ESRRG: variants seen among roughly 807,000 people sequenced by gnomAD.
ESRRG encodes estrogen-related receptor gamma.
In ESRRG, 13 loss-of-function variants were observed where a neutral mutation model predicts 44.0. The ratio of observed to expected loss-of-function variants is 0.30; its 90% CI spans 0.19 to 0.47. The LOEUF (loss-of-function observed/expected upper bound fraction) is 0.47, where lower values mean the gene tolerates loss of function less well. Among genes scored for constraint, ESRRG ranks in the 20% least tolerant of loss-of-function variants. The probability of loss-of-function intolerance (pLI) is 1.00; values close to 1 mark genes in which losing one functional copy is unlikely to be tolerated. For synonymous variants in ESRRG, 215 were observed against 214.6 expected, an observed-to-expected ratio of 1.00 and a Z score of -0.02; for missense variants, 395 against 580.6, an observed-to-expected ratio of 0.68 and a Z score of 3.29.
intron 1 of ESRRG, among the ~76,000 whole-genome samples, chr1:216,948,161 C>T (rs144496678): frequency 1.5e-4 from 23 of 152,238 alleles, no homozygotes; most frequent in African/African-American, 4.6e-4. Flanking sequence ...ACCACCACTG[C>T]TGTAACTAAA....
At chr1:216,936,863 C>T (rs992528546) in intron 2 of ESRRG, among the ~76,000 whole-genome samples, 5 of 152,190 alleles carry the variant, frequency 3.3e-5, no homozygotes, top group South Asian at 2.1e-4. Flanking sequence ...TGCCACCTTG[C>T]ACCCTTTCTG....
chr1:216,590,839 G>GT (rs2057531833), intron 3 of ESRRG, among the ~76,000 whole-genome samples: 2 of 152,160 alleles, frequency 1.3e-5, no homozygotes, highest in African/African-American at 4.8e-5. Context: ...GGATGATAAC[G>GT]TAAGTTCCTT....
chr1:216,792,757 ACT>A (rs2094357361), intron 2 of ESRRG, among the ~76,000 whole-genome samples: 2 of 152,234 alleles, frequency 1.3e-5, no homozygotes, highest in South Asian at 4.1e-4. Flanking sequence ...TTTACAACAA[ACT>A]CTGCATGAAA....
intron 1 of ESRRG, among the ~76,000 whole-genome samples, chr1:216,942,898 G>A (rs557905621): frequency 6.6e-6 from 1 of 152,210 alleles, no homozygotes; most frequent in Admixed American, 6.5e-5. Flanking sequence ...CTGTGGAGAA[G>A]CTCTTTAGTT....
intron 1 of ESRRG, among the ~76,000 whole-genome samples, chr1:217,055,631 A>C (rs1439873820): frequency 2.0e-5 from 3 of 152,110 alleles, no homozygotes; most frequent in African/African-American, 4.8e-5. Context: ...ATAGACAAAG[A>C]ATGAATCTCC....
chr1:217,020,436 T>C (rs1253163357), intron 1 of ESRRG, among the ~76,000 whole-genome samples: 1 of 152,192 alleles, frequency 6.6e-6, no homozygotes, highest in Non-Finnish European at 1.5e-5. Context: ...ACTTGAAAGG[T>C]AACTTATGCA....
chr1:216,758,666 C>T lies in ESRRG; in HGVS notation c.-13-81175G>A, dbSNP rs570825130. On this transcript the variant is annotated intron_variant, in intron 2 of 7. Transcript: ENST00000359162. ...AAAGTCAAATTCTTTTTCAGGTTGG[C>T]GCCTACAAGCCAGCCTAATCAGTGA... Among the ~76,000 whole-genome samples the T allele has an allele frequency of 4.0e-5, 6 of 151,868 alleles. No homozygotes were observed. The East Asian group carries it at 7.8e-4, about 20-fold the overall frequency.
intron 2 of ESRRG, among the ~76,000 whole-genome samples, chr1:216,828,561 A>C (rs2095435549): frequency 6.6e-6 from 1 of 152,148 alleles, no homozygotes; most frequent in African/African-American, 2.4e-5. Flanking sequence ...ACCAGAATAC[A>C]CACCTTCGCC....
chr1:216,704,889 C>T (rs2151909821), intron 1 of ESRRG, among the ~76,000 whole-genome samples: 1 of 152,208 alleles, frequency 6.6e-6, no homozygotes, highest in Admixed American at 6.5e-5. Context: ...GCTACCAATT[C>T]CATTCACAGT....
chr1:216,609,500 C>G, intron 3 of ESRRG, among the ~76,000 whole-genome samples: 1 of 152,062 alleles, frequency 6.6e-6, no homozygotes, highest in East Asian at 1.9e-4. Context: ...GAGTATAGTC[C>G]CTGGTACTCC....
In ESRRG at chr1:216,707,535, A is replaced by G. The variant is rs2082698187; in HGVS notation, c.56+15709T>C. On this transcript the variant is annotated intron_variant, in intron 1 of 6. Transcript: ENST00000408911. ...TAGGGTGAAAGTTGCAATTTGCTGAAGTTTTATGTAAAACTACAGCTACTT... is the reference window on the plus strand; with the variant it reads ...TAGGGTGAAAGTTGCAATTTGCTGAGGTTTTATGTAAAACTACAGCTACTT... 2.7e-6 allele frequency: 4 copies of G among 1,498,042 alleles called. No homozygotes were observed. In the East Asian group the frequency reaches 1.0e-4, roughly 38 times the overall value. The allele number at this position is 1,498,042 out of a possible 1,614,324, so 92.8% of individuals were successfully genotyped here.
rs76675414 is a variant in ESRRG at position 216,814,762 on chromosome 1, C to T, written c.-14+124820G>A. On this transcript the variant is annotated intron_variant, in intron 2 of 7. Coordinates refer to the ESRRG transcript ENST00000359162. ...CAAGGCTCAGAGCCCGTTTAAATGTCGGTGGATAGTTTCAGAAACATACTA... is the reference window on the plus strand; with the variant it reads ...CAAGGCTCAGAGCCCGTTTAAATGTTGGTGGATAGTTTCAGAAACATACTA... 6.1e-3 allele frequency among the ~76,000 whole-genome samples: 929 copies of T among 152,200 alleles called. 9 individuals are homozygous for T. Among genetic ancestry groups the T allele is most frequent in the South Asian group, 0.019 (92 of 4,822 alleles).
At chr1:216,658,034 C>T (rs992702564) in intron 2 of ESRRG, among the ~76,000 whole-genome samples, 3 of 152,022 alleles carry the variant, frequency 2.0e-5, no homozygotes, top group Admixed American at 6.6e-5. Context: ...GAAAAAAGAC[C>T]GGAAGGATAT....
intron 3 of ESRRG, among the ~76,000 whole-genome samples, chr1:216,595,951 A>T (rs937261550): frequency 7.2e-5 from 11 of 152,364 alleles, no homozygotes; most frequent in Non-Finnish European, 1.6e-4. Context: ...CATGTTTCAT[A>T]TGCATGATTT....
intron 3 of ESRRG, among the ~76,000 whole-genome samples, chr1:216,644,221 G>T (rs1371259511): frequency 6.6e-6 from 1 of 152,032 alleles, no homozygotes; most frequent in East Asian, 1.9e-4. Flanking sequence ...CACCACAAAT[G>T]GTGACTTATT....
chr1:216,943,764 A>T (rs981795746), intron 1 of ESRRG, among the ~76,000 whole-genome samples: 1 of 152,144 alleles, frequency 6.6e-6, no homozygotes, highest in African/African-American at 2.4e-5. Flanking sequence ...GAAAAGATAA[A>T]CAGAAGAAAT....
chr1:216,930,415 T>C (rs1374891130), intron 2 of ESRRG, among the ~76,000 whole-genome samples: 1 of 152,164 alleles, frequency 6.6e-6, no homozygotes, highest in Admixed American at 6.5e-5. Context: ...AGAATTACTC[T>C]CTCCTCAAGC....
intron 1 of ESRRG, among the ~76,000 whole-genome samples, chr1:217,011,732 C>T (rs990687144): frequency 6.6e-6 from 1 of 152,074 alleles, no homozygotes; most frequent in African/African-American, 2.4e-5. Flanking sequence ...TAAATTCTCC[C>T]AGGGATTCCT....
At chr1:217,117,479 G>A (rs1197990207) in intron 1 of ESRRG, among the ~76,000 whole-genome samples, 1 of 152,026 alleles carries the variant, frequency 6.6e-6, no homozygotes, top group Non-Finnish European at 1.5e-5. Context: ...CAGGTACTCT[G>A]GAGGCTGAGA....
Sources: gnomAD v4.1 joint callset for allele counts (sites outside exome capture counted in the v4.1 genomes callset) on GRCh38, gnomAD v4.1.1 for gene constraint, MANE v1.5 for transcripts, NCBI Gene and HGNC (gene_info 2026-07-23, HGNC 2026-07-21) for gene names.